IGFBP2: variants seen among roughly 807,000 people sequenced by gnomAD.
IGFBP2 encodes the protein insulin-like growth factor-binding protein 2.
In IGFBP2, 12 loss-of-function variants were observed where a neutral mutation model predicts 26.2. The ratio of observed to expected loss-of-function variants is 0.46; its 90% CI spans 0.29 to 0.74. IGFBP2 has a LOEUF of 0.74. IGFBP2 is among the 30% of genes least tolerant of loss of function. IGFBP2 has a pLI of 0.09. For synonymous variants in IGFBP2, 189 were observed against 200.6 expected (o/e 0.94, Z 0.49); for missense variants, 328 against 441.2 (o/e 0.74, Z 2.30).
chr2:216,646,160 TC>T (rs1444167118), intron 1 of IGFBP2, among the ~76,000 whole-genome samples: 6 of 152,226 alleles, frequency 3.9e-5, no homozygotes, highest in Admixed American at 3.9e-4. Flanking sequence ...TCTTTTTGCA[TC>T]CTGTGGGTTC....
At chr2:216,659,387 A>G (rs9341194) in intron 1 of IGFBP2, among the ~76,000 whole-genome samples, 4,073 of 152,334 alleles carry the variant, frequency 0.027, 185 homozygotes, top group African/African-American at 0.093. Flanking sequence ...AGATTGGTTG[A>G]AAAACACCCC....
chr2:216,633,562 G>GCCT lies in IGFBP2; in HGVS notation c.41_42insTCC (p.Pro16dup). 1 of 980,152 alleles carries GCCT rather than the reference G, an allele frequency of 1.0e-6. No individual in the cohort carries two copies. 60.7% of individuals were successfully genotyped at this position (980,152 alleles called of 1,614,324 possible). ...TGGGCTGCCCCGCGCTGCCGCTGCCGCCGCCGCCGCTGCTGCCGCTGCTGC... is the reference window on the plus strand; with the variant it reads ...TGGGCTGCCCCGCGCTGCCGCTGCCGCCTCCGCCGCCGCTGCTGCCGCTGCTGC... On this transcript the variant is annotated inframe_insertion, in exon 1 of 4. Transcript: ENST00000233809.
chr2:216,658,282 G>C (rs530941024), intron 1 of IGFBP2, among the ~76,000 whole-genome samples: 45 of 152,268 alleles, frequency 3.0e-4, no homozygotes, highest in African/African-American at 9.9e-4. Context: ...GTTGTGAACT[G>C]TCTCGAGGCT....
chr2:216,650,864 G>A (rs1697805529), intron 1 of IGFBP2, among the ~76,000 whole-genome samples: 1 of 152,190 alleles, frequency 6.6e-6, no homozygotes, highest in African/African-American at 2.4e-5. Flanking sequence ...AGGATATCAG[G>A]TGTTGCATGG....
At chr2:216,637,443 T>C (rs1370468562) in intron 1 of IGFBP2, among the ~76,000 whole-genome samples, 1 of 152,216 alleles carries the variant, frequency 6.6e-6, no homozygotes, top group East Asian at 1.9e-4. Flanking sequence ...CCGTTGCCCA[T>C]GGTGGGCTGC....
chr2:216,663,918 T>C, intron 3 of IGFBP2, 22 bp from the exon 4 acceptor site: 2 of 1,609,184 alleles, frequency 1.2e-6, no homozygotes, highest in Non-Finnish European at 1.7e-6. Flanking sequence ...GGCTCCTCCA[T>C]GCTCTTCTCC....
intron 3 of IGFBP2, 146 bp from the exon 4 acceptor site, chr2:216,663,794 T>A: frequency 1.4e-6 from 1 of 738,198 alleles, no homozygotes; most frequent in Non-Finnish European, 2.2e-6. Context: ...TATCAAGGTT[T>A]CCTGGCGCAT....
At chr2:216,660,822 G>A (rs764785907) in intron 2 of IGFBP2, 36 bp downstream of exon 2, 4 of 1,514,680 alleles carry the variant, frequency 2.6e-6, no homozygotes, top group South Asian at 2.4e-5. Context: ...AGGGGTGGGA[G>A]GACAAGGAAA....
At chr2:216,636,858 C>T (rs954233679) in intron 1 of IGFBP2, among the ~76,000 whole-genome samples, 2 of 142,470 alleles carry the variant, frequency 1.4e-5, no homozygotes, top group African/African-American at 2.6e-5. Context: ...GCCCGCTGCA[C>T]GTATAAAGGT....
At chr2:216,645,661 G>T (rs1440345177) in intron 1 of IGFBP2, among the ~76,000 whole-genome samples, 1 of 152,198 alleles carries the variant, frequency 6.6e-6, no homozygotes. Flanking sequence ...CAGGAGAATG[G>T]CAGACACCGC....
Position 216,646,345 on chromosome 2 carries a change from G to GGC in IGFBP2, c.442+12381_442+12382dup, listed in dbSNP as rs564045887. ...TTGTTTGAATGTGGGTCTTAGGACA[G>GGC]GCATGTGTCCTTCCCATCCCATCTC... On this transcript the variant is annotated intron_variant, in intron 1 of 3. Coordinates refer to ENST00000233809, the MANE Select transcript of IGFBP2 (RefSeq NM_000597.3). Among the ~76,000 whole-genome samples the GGC allele has an allele frequency of 2.2e-3, 333 of 152,318 alleles. 2 individuals are homozygous for GGC. The highest frequency in any genetic ancestry group is 7.3e-3 in the African/African-American group (302 of 41,574).
At position 216,661,951 on chromosome 2, in the gene IGFBP2, C is replaced by T. The variant is rs765243856; in HGVS notation, c.766C>T (p.Leu256=). The T allele has an allele frequency of 1.2e-6, 2 of 1,614,234 alleles. No homozygotes were observed. Among genetic ancestry groups the T allele is most frequent in the South Asian group, 2.2e-5 (2 of 91,086 alleles). The change falls in exon 3 of 4, where the codon CTG becomes TTG. Residue 256 remains leucine, a synonymous_variant. Coordinates refer to ENST00000233809, the MANE Select transcript of IGFBP2 (RefSeq NM_000597.3). ...ERGPLEHLYS[L]HIPNCDKHGL... is the part of the protein sequence containing the mutation. ...GGGCCCTCTGGAGCACCTCTACTCCCTGCACATCCCCAACTGTGACAAGCA... is the reference window on the plus strand; with the variant it reads ...GGGCCCTCTGGAGCACCTCTACTCCTTGCACATCCCCAACTGTGACAAGCA...
At chr2:216,655,163 C>T (rs1440877505) in intron 1 of IGFBP2, among the ~76,000 whole-genome samples, 1 of 152,236 alleles carries the variant, frequency 6.6e-6, no homozygotes, top group Non-Finnish European at 1.5e-5. Flanking sequence ...TTTCCCACCT[C>T]AGCCTCCCAG....
chr2:216,650,981 G>A (rs1278535371), intron 1 of IGFBP2, among the ~76,000 whole-genome samples: 2 of 152,102 alleles, frequency 1.3e-5, no homozygotes, highest in East Asian at 3.8e-4. Context: ...ACCAGTTGGG[G>A]TGATGTCATT....
At chr2:216,650,288 C>T (rs1000011307) in intron 1 of IGFBP2, among the ~76,000 whole-genome samples, 3 of 152,198 alleles carry the variant, frequency 2.0e-5, no homozygotes, top group Non-Finnish European at 4.4e-5. Context: ...CCTGAATTTA[C>T]AGATGAGTAC....
intron 3 of IGFBP2, 132 bp downstream of exon 3, chr2:216,662,130 C>T: frequency 1.9e-6 from 2 of 1,064,100 alleles, no homozygotes; most frequent in Admixed American, 2.3e-5. Context: ...CTCCTGTCAC[C>T]ATGGGGATTG....
intron 1 of IGFBP2, among the ~76,000 whole-genome samples, chr2:216,635,401 G>A (rs921901843): frequency 2.6e-5 from 4 of 152,084 alleles, no homozygotes; most frequent in African/African-American, 9.7e-5. Context: ...TCACTGCGGG[G>A]TGCCTGTCCC....
chr2:216,660,412 C>A, intron 1 of IGFBP2, 145 bp from the exon 2 acceptor site: 1 of 614,374 alleles, frequency 1.6e-6, no homozygotes, highest in Non-Finnish European at 2.8e-6. Context: ...ATAAATTGCT[C>A]AGCACGGGCC....
chr2:216,661,463 G>C, intron 2 of IGFBP2: 1 of 354,568 alleles, frequency 2.8e-6, no homozygotes, highest in Non-Finnish European at 5.5e-6. Context: ...CCTCTTTCCT[G>C]CCCAGCTCTG....
Sources: allele counts gnomAD v4.1 joint callset (sites outside exome capture counted in the v4.1 genomes callset), GRCh38; gene constraint gnomAD v4.1.1; transcripts MANE v1.5; gene names NCBI Gene and HGNC (gene_info 2026-07-23, HGNC 2026-07-21).